Variants in ABCA13 observed in about 807,000 individuals in gnomAD.
ABCA13 encodes the protein ATP binding cassette subfamily A member 13.
Under a neutral mutation model 478.7 loss-of-function variants are expected in ABCA13, and 476 were observed. That is an observed-to-expected ratio of 0.99 (90% CI 0.92 to 1.07). The LOEUF is 1.07. Ranked by LOEUF, ABCA13 falls within the 50% of genes least tolerant of loss-of-function variation. ABCA13 has a pLI of 0.00. For synonymous variants in ABCA13, 2,252 were observed against 2,158.9 expected (o/e 1.04, Z -1.20); for missense variants, 6,060 against 5,910.6 (o/e 1.03, Z -0.83).
chr7:48,574,533 C>T (rs1026057819), intron 55 of ABCA13, among the ~76,000 whole-genome samples: 1 of 152,114 alleles, frequency 6.6e-6, no homozygotes, highest in African/African-American at 2.4e-5. Context: ...CTGCATTACT[C>T]ATACATTAAT....
intron 15 of ABCA13, among the ~76,000 whole-genome samples, chr7:48,254,649 C>G (rs1793116708): frequency 1.3e-5 from 2 of 152,044 alleles, no homozygotes; most frequent in Admixed American, 1.3e-4. Flanking sequence ...TTCTGGCAGG[C>G]AGTGAGAGTG....
At chr7:48,397,568 C>A (rs748586435) in intron 38 of ABCA13, among the ~76,000 whole-genome samples, 12 of 152,046 alleles carry the variant, frequency 7.9e-5, no homozygotes, top group Non-Finnish European at 1.5e-4. Context: ...CACATTACCC[C>A]TGAAAATCTT....
chr7:48,236,907 C>A (rs1790040028), intron 8 of ABCA13, among the ~76,000 whole-genome samples: 1 of 151,832 alleles, frequency 6.6e-6, no homozygotes, highest in African/African-American at 2.4e-5. Context: ...TTCATTGAGA[C>A]TGCAGTATTG....
chr7:48,614,330 T>C lies in ABCA13; in HGVS notation c.14745-955T>C, dbSNP rs148571745. Among the ~76,000 whole-genome samples the C allele has an allele frequency of 1.1e-4, 16 of 151,442 alleles. No homozygotes were observed. In the East Asian group the frequency reaches 2.7e-3, roughly 26 times the overall value. ...TATATTTTATAGCTGGTCTTCCTGGTATAAGAAAATACTGATTTTTGTTAG... is the reference window on the plus strand; with the variant it reads ...TATATTTTATAGCTGGTCTTCCTGGCATAAGAAAATACTGATTTTTGTTAG... On this transcript the variant is annotated intron_variant, in intron 58 of 61. Coordinates refer to ENST00000435803, the MANE Select transcript of ABCA13 (RefSeq NM_152701.5).
chr7:48,487,308 C>CAAAAAAAAAAAAAAAAA (rs201286870), intron 47 of ABCA13, among the ~76,000 whole-genome samples: 1 of 110,882 alleles, frequency 9.0e-6, no homozygotes, highest in Non-Finnish European at 1.8e-5. Context: ...AACTGTGTCT[C>CAAAAAAAAAAAAAAAAA]AAAAAAAAAA....
intron 35 of ABCA13, 80 bp from the exon 36 acceptor site, chr7:48,387,742 A>G (rs1171082896): frequency 1.8e-6 from 2 of 1,123,858 alleles, no homozygotes; most frequent in Non-Finnish European, 2.5e-6. Flanking sequence ...GACATTTTAT[A>G]TTAATTACTT....
intron 3 of ABCA13, among the ~76,000 whole-genome samples, chr7:48,213,293 T>C (rs1434768529): frequency 2.0e-5 from 3 of 152,238 alleles, no homozygotes. Flanking sequence ...CATCAGAATA[T>C]AGCAAATATT....
intron 3 of ABCA13, among the ~76,000 whole-genome samples, chr7:48,211,226 C>G (rs972782658): frequency 2.2e-4 from 33 of 152,174 alleles, no homozygotes; most frequent in African/African-American, 7.2e-4. Flanking sequence ...TCTTTGCAGT[C>G]TGGGCTTGTT....
At chr7:48,475,195 A>G (rs1423839791) in intron 45 of ABCA13, among the ~76,000 whole-genome samples, 1 of 152,170 alleles carries the variant, frequency 6.6e-6, no homozygotes, top group Non-Finnish European at 1.5e-5. Flanking sequence ...TAGAAATCAG[A>G]GAACCTCAGG....
At chr7:48,515,798 C>T (rs1400654795) in intron 51 of ABCA13, among the ~76,000 whole-genome samples, 5 of 152,026 alleles carry the variant, frequency 3.3e-5, no homozygotes, top group East Asian at 1.9e-4. Flanking sequence ...ATTTTTTTTA[C>T]GTAGCTCTGC....
At chr7:48,308,473 T>G (rs1463780533) in intron 23 of ABCA13, among the ~76,000 whole-genome samples, 1 of 152,192 alleles carries the variant, frequency 6.6e-6, no homozygotes, top group Non-Finnish European at 1.5e-5. Context: ...TACATAATTG[T>G]GTGTGTGATA....
At chr7:48,281,980 C>A (rs1030247063) in intron 19 of ABCA13, among the ~76,000 whole-genome samples, 1 of 152,138 alleles carries the variant, frequency 6.6e-6, no homozygotes, top group Admixed American at 6.5e-5. Context: ...TCCCTACAGC[C>A]GTGGCACTTA....
chr7:48,478,234 A>G (rs1393992056), intron 45 of ABCA13, among the ~76,000 whole-genome samples: 1 of 147,944 alleles, frequency 6.8e-6, no homozygotes, highest in African/African-American at 2.5e-5. Context: ...TTATATATAC[A>G]TATATAATAT....
chr7:48,534,625 T>C (rs1046176847), intron 55 of ABCA13, among the ~76,000 whole-genome samples: 2 of 152,188 alleles, frequency 1.3e-5, no homozygotes, highest in Admixed American at 6.5e-5. Flanking sequence ...ATTTCCCTTC[T>C]TCCTCAGGAA....
chr7:48,281,178 G>T (rs1796977564), intron 18 of ABCA13, among the ~76,000 whole-genome samples, 165 bp from the exon 19 acceptor site: 2 of 152,222 alleles, frequency 1.3e-5, no homozygotes, highest in Non-Finnish European at 2.9e-5. Context: ...TAAAGGTCCA[G>T]AATGTGTTAT....
At chr7:48,473,815 T>G (rs1452569544) in intron 45 of ABCA13, among the ~76,000 whole-genome samples, 1 of 150,650 alleles carries the variant, frequency 6.6e-6, no homozygotes, top group East Asian at 1.9e-4. Flanking sequence ...TTTGTTTGTC[T>G]TTTTTCTAGA....
At chr7:48,528,213 T>C in intron 54 of ABCA13, 23 bp from the exon 55 acceptor site, 1 of 1,521,960 alleles carries the variant, frequency 6.6e-7, no homozygotes, top group South Asian at 1.2e-5. Context: ...GAATGTGCTT[T>C]ACTTAACTTT....
intron 49 of ABCA13, 101 bp downstream of exon 49, chr7:48,506,491 A>G: frequency 5.3e-6 from 7 of 1,325,718 alleles, no homozygotes; most frequent in Non-Finnish European, 7.6e-6. Context: ...ATTTGCCCCA[A>G]GAGATGGCTT....
chr7:48,594,258 T>C (rs933411110), intron 57 of ABCA13, among the ~76,000 whole-genome samples: 1 of 152,246 alleles, frequency 6.6e-6, no homozygotes, highest in African/African-American at 2.4e-5. Context: ...TCTTAATTCT[T>C]TTTTACTTTT....
Sources: gnomAD v4.1 joint callset for allele counts (sites outside exome capture counted in the v4.1 genomes callset) on GRCh38, gnomAD v4.1.1 for gene constraint, MANE v1.5 for transcripts, NCBI Gene and HGNC (gene_info 2026-07-23, HGNC 2026-07-21) for gene names.